The following DUOX2 variants were observed in gnomAD, a reference collection of about 807,000 sequenced individuals.
DUOX2 encodes the protein dual oxidase 2.
In DUOX2, 185 loss-of-function variants were observed where a neutral mutation model predicts 183.3. The ratio of observed to expected loss-of-function variants is 1.01; its 90% CI spans 0.90 to 1.14. The LOEUF (loss-of-function observed/expected upper bound fraction) is 1.14. Among genes scored for constraint, DUOX2 ranks in the 50% most tolerant of loss-of-function variants. The pLI is 0.00. For missense variants in DUOX2, 1,999 were observed against 2,022.9 expected (o/e 0.99, Z 0.23); for synonymous variants, 788 against 812.4 (o/e 0.97, Z 0.51).
At chr15:45,095,686 C>A (rs903281909) in intron 30 of DUOX2, 91 bp from the exon 31 acceptor site, 24 of 1,592,366 alleles carry the variant, frequency 1.5e-5, no homozygotes, top group Non-Finnish European at 2.0e-5. Flanking sequence ...GGATACAGAA[C>A]ATCCTAGTCT....
Position 45,110,721 on chromosome 15 carries a change from G to A in DUOX2, c.883-11C>T, listed in dbSNP as rs1385994004. ...ATACACAGCGATGTTCTGAGGGGCA[G>A]AGAGGGGCGAGGGGAGGCACAAGTT... On this transcript the variant is annotated splice_polypyrimidine_tract_variant and intron_variant, in intron 7 of 33. Coordinates refer to ENST00000389039, the MANE Select transcript of DUOX2 (RefSeq NM_001363711.2). 1.2e-5 allele frequency: 19 copies of A among 1,612,056 alleles called. No individual in the cohort carries two copies. In the East Asian group the frequency reaches 3.6e-4, roughly 30 times the overall value.
rs776028067 is a variant in DUOX2 at position 45,106,493 on chromosome 15, GTCCCTCC to G, written c.1945+28_1945+34del. On this transcript the variant is annotated intron_variant, in intron 16 of 33. Transcript: ENST00000389039. ...CAGACTCCTGTCTCTCCCCTCCTCC[GTCCCTCC>G]TCCCTCCTCTGCCCAGCCCCTGCTC... is the stretch of plus-strand genomic sequence containing the variant. 4.4e-6 allele frequency: 7 copies of G among 1,606,572 alleles called. No individual in the cohort carries two copies. The East Asian group carries it at 1.3e-4, about 31-fold the overall frequency.
intron 26 of DUOX2, among the ~76,000 whole-genome samples, chr15:45,098,280 C>T (rs1238410008): frequency 6.6e-6 from 1 of 152,204 alleles, no homozygotes; most frequent in Non-Finnish European, 1.5e-5. Flanking sequence ...AACTCTCTTA[C>T]TGTGGTTGAC....
At position 45,093,809 on chromosome 15, in the gene DUOX2, C is replaced by T. The variant is rs1409531392; in HGVS notation, c.*341G>A. 1 of 324,986 alleles carries T rather than the reference C, an allele frequency of 3.1e-6. No individual in the cohort carries two copies. The highest frequency in any genetic ancestry group is 2.1e-5 in the African/African-American group (1 of 47,342). 20.1% of individuals were successfully genotyped at this position (324,986 alleles called of 1,614,324 possible). A position where few individuals can be genotyped will look rare whatever the true frequency, so the allele number is the denominator to read the frequency against. ...ACTTTGCTTGCCACGCCTGCCATGG[C>T]TTGAGCTGGGGTGAGGAGTGGTCTT... On this transcript the variant is annotated 3_prime_UTR_variant, in exon 34 of 34. Transcript: ENST00000389039.
chr15:45,097,247 G>T lies in DUOX2; in HGVS notation c.3838C>A (p.Leu1280Met), dbSNP rs771345421. 5 of 1,614,164 alleles carry T rather than the reference G, an allele frequency of 3.1e-6. No homozygotes were observed. In the Admixed American group the frequency reaches 8.3e-5, roughly 27 times the overall value. ...AGGCTGGGCCTGATACCTGAGGGCA[G>T]CAGCTCCGCCTTCACCACGCTGATC... ...VEISVVKAEL[L>M]PSGVTYLQFQ... Residue 1280 changes from leucine to methionine, a missense_variant, in exon 29 of 34, where the codon CTG becomes ATG. By Grantham distance (15) the Leu-to-Met change is conservative. Transcript: ENST00000389039.
In DUOX2 at chr15:45,109,546, G is replaced by A. The variant is rs762696522; in HGVS notation, c.1212C>T (p.Asn404=). The A allele has an allele frequency of 6.2e-6, 10 of 1,614,012 alleles. No individual in the cohort carries two copies. In the Admixed American group the frequency reaches 1.0e-4, roughly 16 times the overall value. The change falls in exon 11 of 34, where the codon AAC becomes AAT. Residue 404 remains asparagine (N), a synonymous_variant. Transcript: ENST00000389039. ...MASQISELED[N]IVVEDLRDYW... ...CACCCCTCAGATCTTCAACCACTAT[G>A]TTGTCCTCCAACTCCGAAATCTGGG...
Position 45,099,810 on chromosome 15 carries a change from G to A in DUOX2, c.3267C>T (p.Ser1089=), listed in dbSNP as rs202085990. 8.6e-5 allele frequency: 139 copies of A among 1,614,218 alleles called. No individual in the cohort carries two copies. Among genetic ancestry groups the A allele is most frequent in the Non-Finnish European group, 1.1e-4 (129 of 1,180,050 alleles). The change falls in exon 25 of 34, where the codon AGC becomes AGT. Residue 1089 remains serine (S), a synonymous_variant. Transcript: ENST00000389039. ...AGATATAAGAGAACATGAAGGAGAC[G>A]CTGGCCGCCGTGCCTCGTGACAGGA... ...GIILSRGTAA[S]VSFMFSYILL...
intron 29 of DUOX2, 50 bp from the exon 30 acceptor site, chr15:45,096,110 T>C (rs1268853373): frequency 6.6e-7 from 1 of 1,518,626 alleles, no homozygotes; most frequent in Admixed American, 1.7e-5. Flanking sequence ...CTGCTCCTGG[T>C]ACCTGAGGAC....
At chr15:45,110,080 G>T (rs1236216342) in intron 9 of DUOX2, 100 bp from the exon 10 acceptor site, 4 of 1,091,822 alleles carry the variant, frequency 3.7e-6, no homozygotes, top group African/African-American at 1.5e-5. Context: ...CTAGGATTGA[G>T]CAGTGGCCCA....
intron 30 of DUOX2, 37 bp downstream of exon 30, chr15:45,095,791 C>A (rs760037729): frequency 3.1e-6 from 5 of 1,591,080 alleles, no homozygotes; most frequent in Non-Finnish European, 3.4e-6. Context: ...TCTGCCAGTG[C>A]CAGAGGCCCG....
rs766116807 is a variant in DUOX2 at position 45,108,034 on chromosome 15, AG to A, written c.1574+12del. 10 of 1,613,778 alleles carry A rather than the reference AG, an allele frequency of 6.2e-6. No individual in the cohort carries two copies. In the African/African-American group the frequency reaches 1.2e-4, roughly 19 times the overall value. On this transcript the variant is annotated intron_variant, in intron 13 of 33. Transcript: ENST00000389039. Reference sequence around the variant, plus strand: ...GAGGAGCAGTCTGAGGTGGGGGCCCAGGCAAGCCTTACCCATTCCTGGTGTT... The same window carrying A: ...GAGGAGCAGTCTGAGGTGGGGGCCCAGCAAGCCTTACCCATTCCTGGTGTT...
chr15:45,095,360 C>G lies in DUOX2; in HGVS notation c.4239+77G>C. The G allele has an allele frequency of 1.9e-6, 3 of 1,598,418 alleles. No individual in the cohort carries two copies. In the South Asian group the frequency reaches 3.3e-5, roughly 18 times the overall value. ...CAGTTCCTGGAGCCAGGAGCTTTCTCTCATGCTCCACCACTTGATGCGGGT... is the reference window on the plus strand; with the variant it reads ...CAGTTCCTGGAGCCAGGAGCTTTCTGTCATGCTCCACCACTTGATGCGGGT... On this transcript the variant is annotated intron_variant, in intron 31 of 33. Coordinates refer to ENST00000389039, the MANE Select transcript of DUOX2 (RefSeq NM_001363711.2).
intron 13 of DUOX2, 31 bp downstream of exon 13, chr15:45,108,016 A>C (rs1166338961): frequency 6.2e-7 from 1 of 1,613,646 alleles, no homozygotes; most frequent in South Asian, 1.1e-5. Context: ...GCTGAGGAGC[A>C]GTCTGAGGTG....
chr15:45,094,535 T>A, intron 33 of DUOX2, 28 bp downstream of exon 33: 2 of 1,600,596 alleles, frequency 1.2e-6, no homozygotes, highest in Non-Finnish European at 1.7e-6. Flanking sequence ...AAGGCCAGAG[T>A]CCCAGGGTGG....
rs1295172370 is a variant in DUOX2 at position 45,105,793 on chromosome 15, G to A, written c.2184C>T (p.Ala728=). ...LLFSSEEERG[A]FVQQLWDFCV... ...AGAAGTCCCATAGCTGCTGCACAAA[G>A]GCGCCCCGTTCCTCTTCAGAACTAA... Residue 728 remains alanine (A), a synonymous_variant, in exon 18 of 34, where the codon GCC becomes GCT. Coordinates refer to ENST00000389039, the MANE Select transcript of DUOX2 (RefSeq NM_001363711.2). 1 of 1,614,210 alleles carries A rather than the reference G, an allele frequency of 6.2e-7. No homozygotes were observed. The highest frequency in any genetic ancestry group is 8.5e-7 in the Non-Finnish European group (1 of 1,180,042).
In DUOX2 at chr15:45,108,076, G is replaced by A. The variant is rs1894272035; in HGVS notation, c.1545C>T (p.Asp515=). Residue 515 remains aspartate (D), a synonymous_variant, in exon 13 of 34, where the codon GAC becomes GAT. Coordinates refer to ENST00000389039, the MANE Select transcript of DUOX2 (RefSeq NM_001363711.2). ...LDQFVRLRDG[D]RYWFENTRNG... is the part of the protein sequence containing the mutation. ...TCCTGGTGTTCTCAAACCAGTAGCG[G>A]TCACCATCCCGCAGCCGTACAAACT... is the stretch of plus-strand genomic sequence containing the variant. The A allele has an allele frequency of 1.9e-6, 3 of 1,613,994 alleles. No individual in the cohort carries two copies. In the African/African-American group the frequency reaches 4.0e-5, roughly 22 times the overall value.
rs1420551822 is a variant in DUOX2 at position 45,104,121 on chromosome 15, C to T, written c.2560+19G>A. The T allele has an allele frequency of 3.1e-6, 5 of 1,613,990 alleles. No homozygotes were observed. Among genetic ancestry groups the T allele is most frequent in the Non-Finnish European group, 4.2e-6 (5 of 1,179,988 alleles). Reference sequence around the variant, plus strand: ...GACCCCTGGATTCTTGGATAGCCTGCCACCTCCCAGCCCCCTACCTTTCAT... The same window carrying T: ...GACCCCTGGATTCTTGGATAGCCTGTCACCTCCCAGCCCCCTACCTTTCAT... On this transcript the variant is annotated intron_variant, in intron 19 of 33. Coordinates refer to ENST00000389039, the MANE Select transcript of DUOX2 (RefSeq NM_001363711.2).
intron 31 of DUOX2, 28 bp from the exon 32 acceptor site, chr15:45,095,119 C>T (rs370316195): frequency 1.9e-6 from 3 of 1,607,648 alleles, no homozygotes; most frequent in African/African-American, 1.3e-5. Flanking sequence ...GAGATCAGGA[C>T]CCAGCTCAGT....
intron 3 of DUOX2, 132 bp downstream of exon 3, chr15:45,112,855 C>T: frequency 1.3e-6 from 2 of 1,542,764 alleles, no homozygotes; most frequent in East Asian, 2.3e-5. Flanking sequence ...GCCCCGGGAG[C>T]GCATAAGATT....
Sources: allele counts gnomAD v4.1 joint callset (sites outside exome capture counted in the v4.1 genomes callset), GRCh38; gene constraint gnomAD v4.1.1; transcripts MANE v1.5; gene names NCBI Gene and HGNC (gene_info 2026-07-23, HGNC 2026-07-21).